TNS1: variants seen among roughly 807,000 people sequenced by gnomAD.
TNS1 encodes tensin 1.
In TNS1, 62 loss-of-function variants were observed where a neutral mutation model predicts 168.6. That is an observed-to-expected ratio of 0.37 (90% CI 0.30 to 0.45). The LOEUF is 0.45. Among genes scored for constraint, TNS1 ranks in the 20% least tolerant of loss-of-function variants. The pLI, the probability that TNS1 is intolerant of heterozygous loss-of-function variation, is 1.00. For synonymous variants in TNS1, 934 were observed against 933.2 expected (o/e 1.00, Z -0.02); for missense variants, 2,240 against 2,339.4 (o/e 0.96, Z 0.88).
intron 8 of TNS1, among the ~76,000 whole-genome samples, chr2:217,895,775 C>A (rs1952227873): frequency 6.6e-6 from 1 of 152,154 alleles, no homozygotes; most frequent in South Asian, 2.1e-4. Context: ...GCCTCTACCT[C>A]CGAGGGGGGC....
At chr2:217,942,879 C>T (rs1326125281) in intron 3 of TNS1, among the ~76,000 whole-genome samples, 1 of 152,146 alleles carries the variant, frequency 6.6e-6, no homozygotes, top group Non-Finnish European at 1.5e-5. Context: ...GCACAGCAGG[C>T]TTCTCCGGGT....
At chr2:217,866,091 T>C (rs2125566794) in intron 18 of TNS1, among the ~76,000 whole-genome samples, 1 of 152,244 alleles carries the variant, frequency 6.6e-6, no homozygotes, top group East Asian at 1.9e-4. Context: ...ATGTCAGACC[T>C]CCATCCTTCC....
chr2:217,928,577 G>A (rs958044625), intron 3 of TNS1, among the ~76,000 whole-genome samples: 1 of 152,208 alleles, frequency 6.6e-6, no homozygotes, highest in Admixed American at 6.5e-5. Context: ...TGGGGACAGG[G>A]AGTGGGCCTG....
intron 18 of TNS1, among the ~76,000 whole-genome samples, chr2:217,857,744 A>T (rs1363841263): frequency 2.0e-5 from 3 of 152,210 alleles, no homozygotes; most frequent in Non-Finnish European, 4.4e-5. Flanking sequence ...GTGAATTCTC[A>T]GACCCAGCCT....
In TNS1 at chr2:217,892,943, C is replaced by G; in HGVS notation, c.782+5G>C. The G allele has an allele frequency of 6.2e-7, 1 of 1,614,138 alleles. No individual in the cohort carries two copies. Among genetic ancestry groups the G allele is most frequent in the Non-Finnish European group, 8.5e-7 (1 of 1,179,994 alleles). On this transcript the variant is annotated splice_donor_5th_base_variant and intron_variant, in intron 11 of 32. Coordinates refer to ENST00000682258, the MANE Select transcript of TNS1 (RefSeq NM_001387777.1). ...AGAGGATGGGAGGCTCCAGGCCCCT[C>G]TTACCTGGCAGAAATGTTGCTGTAG...
rs546470744 is a variant in TNS1, at chr2:218,033,918, C to G, written c.58G>C (p.Gly20Arg). ...CAGGGACTCCCCGGGGGCTGGGGAC[C>G]GCAGAGTGGTCCGGGCCGCAGCTCT... Residue 20 changes from glycine to arginine, a missense_variant, in exon 1 of 2, where the codon GGT becomes CGT. Physicochemically the swap from Gly to Arg is moderately radical, Grantham distance 125. Transcript: ENST00000649572. This position sits in a 1 kb window ranked among gnomAD's most constrained non-coding sequence, Gnocchi z 4.3. Among the ~76,000 whole-genome samples, 1 of 152,314 alleles carries G rather than the reference C, an allele frequency of 6.6e-6. No homozygotes were observed. Among genetic ancestry groups the G allele is most frequent in the Admixed American group, 6.5e-5 (1 of 15,304 alleles).
chr2:217,808,807 A>G (rs1418103356), intron 30 of TNS1, 136 bp from the exon 31 acceptor site: 1 of 740,800 alleles, frequency 1.3e-6, no homozygotes, highest in Non-Finnish European at 2.4e-6. Flanking sequence ...CTTATGAGCA[A>G]GATGGCCTGA....
At chr2:218,009,184 C>A (rs930887497) in intron 1 of TNS1, among the ~76,000 whole-genome samples, 4 of 152,176 alleles carry the variant, frequency 2.6e-5, no homozygotes, top group African/African-American at 9.7e-5. Context: ...GAGAGTGGGT[C>A]GGAAAGCCAG....
At chr2:218,019,956 C>T in intron 1 of TNS1, among the ~76,000 whole-genome samples, 1 of 152,094 alleles carries the variant, frequency 6.6e-6, no homozygotes, top group Non-Finnish European at 1.5e-5. Flanking sequence ...GCTGCAGCCT[C>T]CCCACTGCCC....
rs796471088 is a variant in TNS1 at position 217,890,919 on chromosome 2, G to A, written c.866+43C>T. ...CAAGTCTAGTCCCCACATAGAGTGA[G>A]TGCACACATACATGCAAGGGGCTGT... is the stretch of plus-strand genomic sequence containing the variant. On this transcript the variant is annotated intron_variant, in intron 12 of 32. Coordinates refer to ENST00000682258, the MANE Select transcript of TNS1 (RefSeq NM_001387777.1). 10 of 1,590,996 alleles carry A rather than the reference G, an allele frequency of 6.3e-6. No homozygotes were observed. In the African/African-American group the frequency reaches 1.2e-4, roughly 19 times the overall value.
chr2:217,931,776 G>C (rs575188259), intron 3 of TNS1, among the ~76,000 whole-genome samples: 2 of 152,128 alleles, frequency 1.3e-5, no homozygotes, highest in Non-Finnish European at 2.9e-5. Context: ...TGTACACATC[G>C]ATCCTAAGGT....
chr2:217,886,173 TG>T, intron 13 of TNS1, 69 bp from the exon 14 acceptor site: 1 of 1,517,202 alleles, frequency 6.6e-7, no homozygotes. Context: ...GAGGAGACAG[TG>T]AAGGGAGAAA....
At chr2:217,894,346 C>T (rs929972028) in intron 9 of TNS1, among the ~76,000 whole-genome samples, 4 of 152,262 alleles carry the variant, frequency 2.6e-5, no homozygotes, top group Admixed American at 6.5e-5. Context: ...ACACAGCCCC[C>T]GAGCAAACAG....
chr2:217,932,079 G>T (rs1276650124), intron 3 of TNS1, among the ~76,000 whole-genome samples: 1 of 152,150 alleles, frequency 6.6e-6, no homozygotes, highest in Non-Finnish European at 1.5e-5. Context: ...CGTCCCCAGA[G>T]GTCATTTTTT....
In TNS1 at chr2:217,906,284, C is replaced by T. The variant is rs997386117; in HGVS notation, c.321+51G>A. 13 of 690,006 alleles carry T rather than the reference C, an allele frequency of 1.9e-5. No homozygotes were observed. In the Middle Eastern group the frequency reaches 1.4e-3, roughly 74 times the overall value. 42.7% of individuals were successfully genotyped at this position (690,006 alleles called of 1,614,324 possible). A position where few individuals can be genotyped will look rare whatever the true frequency, so the allele number is the denominator to read the frequency against. Reference sequence around the variant, plus strand: ...TCCACCTCCCACCCCACCCCATTCCCCCTGGCCACCAGGGCCCAGCCCCAT... The same window carrying T: ...TCCACCTCCCACCCCACCCCATTCCTCCTGGCCACCAGGGCCCAGCCCCAT... On this transcript the variant is annotated intron_variant, in intron 6 of 32. Transcript: ENST00000682258.
At chr2:217,983,924 T>C (rs1958123489) in intron 2 of TNS1, among the ~76,000 whole-genome samples, 1 of 152,032 alleles carries the variant, frequency 6.6e-6, no homozygotes, top group African/African-American at 2.4e-5. Flanking sequence ...AGAAAGTCGG[T>C]TGGTTTTATT....
intron 18 of TNS1, among the ~76,000 whole-genome samples, chr2:217,867,823 G>A (rs1949413206): frequency 6.6e-6 from 1 of 152,212 alleles, no homozygotes; most frequent in African/African-American, 2.4e-5. Context: ...TGGCTCAAGT[G>A]TTCCTCCTCA....
chr2:217,978,942 GGAGA>G (rs1416997325), intron 2 of TNS1, 140 bp from the exon 3 acceptor site: 1 of 659,654 alleles, frequency 1.5e-6, no homozygotes, highest in Non-Finnish European at 2.8e-6. Flanking sequence ...AAGGAGAGAG[GGAGA>G]GAGGGAGGGG....
intron 3 of TNS1, among the ~76,000 whole-genome samples, chr2:217,928,126 C>G (rs970337441): frequency 6.6e-6 from 1 of 152,340 alleles, no homozygotes; most frequent in East Asian, 1.9e-4. Context: ...GGCAGGCCTC[C>G]TTCAGGACCT....
Sources: allele counts gnomAD v4.1 joint callset (sites outside exome capture counted in the v4.1 genomes callset), GRCh38; gene constraint gnomAD v4.1.1; non-coding constraint Gnocchi (gnomAD v3.1); transcripts MANE v1.5; gene names NCBI Gene and HGNC (gene_info 2026-07-23, HGNC 2026-07-21).